The following SETD3 variants were observed in gnomAD, a reference collection of about 807,000 sequenced individuals.
SETD3 encodes actin-histidine N-methyltransferase.
Under a neutral mutation model 63.0 loss-of-function variants are expected in SETD3, and 19 were observed. The ratio of observed to expected loss-of-function variants is 0.30; its 90% confidence interval spans 0.21 to 0.44. SETD3 has a LOEUF of 0.44. SETD3 is among the 20% of genes least tolerant of loss of function. SETD3 has a pLI of 1.00. For missense variants in SETD3, 587 were observed against 728.5 expected, an observed-to-expected ratio of 0.81 and a Z score of 2.24; for synonymous variants, 286 against 264.1, an observed-to-expected ratio of 1.08 and a Z score of -0.80.
intron 6 of SETD3, among the ~76,000 whole-genome samples, chr14:99,430,666 G>A (rs1026385881): frequency 3.9e-5 from 6 of 152,160 alleles, no homozygotes; most frequent in African/African-American, 1.4e-4. Flanking sequence ...AGGGGCTCAC[G>A]TGGCGCCACT....
chr14:99,413,754 G>T, intron 7 of SETD3, 122 bp downstream of exon 7: 1 of 872,642 alleles, frequency 1.1e-6, no homozygotes, highest in Non-Finnish European at 1.9e-6. Flanking sequence ...GATGAGCTCT[G>T]TTTGGATGCT....
At chr14:99,450,993 T>C (rs969543684) in intron 6 of SETD3, among the ~76,000 whole-genome samples, 7 of 152,200 alleles carry the variant, frequency 4.6e-5, no homozygotes, top group Non-Finnish European at 1.0e-4. Context: ...TGATTATCAA[T>C]TAAACAGTTC....
intron 6 of SETD3, among the ~76,000 whole-genome samples, chr14:99,455,656 T>C (rs1351424503): frequency 6.6e-6 from 1 of 152,190 alleles, no homozygotes; most frequent in Non-Finnish European, 1.5e-5. Context: ...CTTCCAATCA[T>C]TAGGTGGGAA....
intron 1 of SETD3, among the ~76,000 whole-genome samples, chr14:99,476,058 A>G (rs950583141): frequency 2.0e-5 from 3 of 152,214 alleles, no homozygotes; most frequent in Non-Finnish European, 4.4e-5. Context: ...CAATCATGTC[A>G]TTTGGGCATT....
intron 6 of SETD3, among the ~76,000 whole-genome samples, chr14:99,417,648 A>C (rs1205279432): frequency 6.6e-6 from 1 of 152,244 alleles, no homozygotes; most frequent in East Asian, 1.9e-4. Flanking sequence ...TGGAGAACCA[A>C]AATAAGCAGA....
chr14:99,479,016 C>A (rs1034763509), intron 1 of SETD3, among the ~76,000 whole-genome samples: 6 of 152,222 alleles, frequency 3.9e-5, no homozygotes, highest in African/African-American at 1.2e-4. Context: ...TGTGCTCTTA[C>A]GAGAAGCTTT....
intron 1 of SETD3, among the ~76,000 whole-genome samples, chr14:99,474,871 C>A (rs542374178): frequency 9.1e-6 from 1 of 110,272 alleles, no homozygotes; most frequent in African/African-American, 3.3e-5. Flanking sequence ...TGTTGCTTTT[C>A]GCAATTTTTT....
chr14:99,483,021 G>A (rs146243631), upstream of SETD3, among the ~76,000 whole-genome samples: 1,424 of 152,320 alleles, frequency 9.3e-3, 20 homozygotes, highest in African/African-American at 0.032. Context: ...AGTATTTGCA[G>A]ATGACTTTAT....
At position 99,399,741 on chromosome 14, in the gene SETD3, A is replaced by AATTTTTTTTTTTTTTTTTTTTTTTTTT. The variant is rs1566869064; in HGVS notation, c.1338+357_1338+358insAAAAAAAAAAAAAAAAAAAAAAAAAAT. ...GAATTAACAAGAAATCTTTCATTAA[A>AATTTTTTTTTTTTTTTTTTTTTTTTTT]TTTTTTTTTTTTTTTTTTTTTTTTT... On this transcript the variant is annotated intron_variant, in intron 12 of 12. Coordinates refer to ENST00000331768, the MANE Select transcript of SETD3 (RefSeq NM_032233.3). Among the ~76,000 whole-genome samples the AATTTTTTTTTTTTTTTTTTTTTTTTTT allele has an allele frequency of 1.6e-5, 2 of 127,728 alleles. 1 individual carries two copies. The highest frequency in any genetic ancestry group is 3.3e-5 in the Non-Finnish European group (2 of 61,422). The allele number at this position is 127,728 out of a possible 152,430, so 83.8% of individuals were successfully genotyped here.
chr14:99,403,883 G>C (rs1891537984), intron 11 of SETD3, among the ~76,000 whole-genome samples: 1 of 152,198 alleles, frequency 6.6e-6, no homozygotes. Flanking sequence ...CTCTATGTAA[G>C]TGAAAAAGAC....
At chr14:99,463,285 C>T (rs1895176988) in intron 3 of SETD3, among the ~76,000 whole-genome samples, 1 of 152,326 alleles carries the variant, frequency 6.6e-6, no homozygotes, top group Middle Eastern at 3.4e-3. Flanking sequence ...AACATTCTCA[C>T]CCTTTCCGAA....
intron 1 of SETD3, among the ~76,000 whole-genome samples, chr14:99,479,750 T>G (rs1264473012): frequency 6.6e-6 from 1 of 152,180 alleles, no homozygotes; most frequent in Non-Finnish European, 1.5e-5. Flanking sequence ...AAAGCAAAAT[T>G]GATTTGTCAG....
chr14:99,440,840 A>C (rs1431999155), intron 6 of SETD3, among the ~76,000 whole-genome samples: 4 of 152,104 alleles, frequency 2.6e-5, no homozygotes, highest in Admixed American at 6.5e-5. Context: ...AAAAAGCAAC[A>C]GAAAAATACA....
At chr14:99,422,130 A>G (rs1566695470) in intron 6 of SETD3, among the ~76,000 whole-genome samples, 1 of 152,224 alleles carries the variant, frequency 6.6e-6, no homozygotes, top group Non-Finnish European at 1.5e-5. Context: ...CCTGGATGGT[A>G]ACTTAGATTA....
intron 6 of SETD3, among the ~76,000 whole-genome samples, chr14:99,446,178 G>A (rs1894119643): frequency 2.0e-5 from 3 of 152,170 alleles, no homozygotes; most frequent in African/African-American, 7.2e-5. Context: ...GCCCAGCTCT[G>A]GAGGAACAGC....
At chr14:99,480,269 G>A (rs1896212614) in intron 1 of SETD3, among the ~76,000 whole-genome samples, 2 of 152,074 alleles carry the variant, frequency 1.3e-5, no homozygotes, top group Admixed American at 6.5e-5. Context: ...AAATGGGAGC[G>A]CGACCCGGCC....
upstream of SETD3, among the ~76,000 whole-genome samples, chr14:99,482,587 G>A (rs1896373211): frequency 6.6e-6 from 1 of 152,104 alleles, no homozygotes; most frequent in African/African-American, 2.4e-5. Flanking sequence ...GTGTCTTTTA[G>A]GGTTTTTTTC....
At chr14:99,469,984 G>C (rs8011858) in intron 1 of SETD3, among the ~76,000 whole-genome samples, 2 of 152,060 alleles carry the variant, frequency 1.3e-5, no homozygotes, top group African/African-American at 4.8e-5. Context: ...GGTTTCTTTC[G>C]CTCACACGTC....
At chr14:99,453,623 G>C (rs1428982547) in intron 6 of SETD3, among the ~76,000 whole-genome samples, 2 of 152,066 alleles carry the variant, frequency 1.3e-5, no homozygotes, top group Admixed American at 1.3e-4. Flanking sequence ...TCAGGAGTTC[G>C]AGACTAGCCT....
Sources: gnomAD v4.1 joint callset for allele counts (sites outside exome capture counted in the v4.1 genomes callset) on GRCh38, gnomAD v4.1.1 for gene constraint, MANE v1.5 for transcripts, NCBI Gene and HGNC (gene_info 2026-07-23, HGNC 2026-07-21) for gene names.